Variants in CMTR1 observed in about 807,000 individuals in gnomAD.
The protein encoded by CMTR1 is cap methyltransferase 1.
Under a neutral mutation model 107.0 loss-of-function variants are expected in CMTR1, and 39 were observed. That is an observed-to-expected ratio of 0.36 (90% CI 0.28 to 0.48). The LOEUF (loss-of-function observed/expected upper bound fraction) is 0.48, where lower values mean the gene tolerates loss of function less well. CMTR1 is among the 20% of genes least tolerant of loss of function. The pLI, the probability that CMTR1 is intolerant of heterozygous loss-of-function variation, is 0.99. For missense variants in CMTR1, 672 were observed against 1,064.9 expected (o/e 0.63, Z 5.14); for synonymous variants, 366 against 379.5 (o/e 0.96, Z 0.41).
the CMTR1 span, among the ~76,000 whole-genome samples, chr6:37,425,136 A>C: frequency 9.8e-3 from 1,467 of 149,258 alleles, 24 homozygotes; most frequent in African/African-American, 0.035. Flanking sequence ...TAGAGATGGG[A>C]TTTCACCATG....
Position 37,479,178 on chromosome 6 carries a change from C to T in CMTR1, c.2298C>T (p.Phe766=). 6.2e-7 allele frequency: 1 copy of T among 1,614,130 alleles called. No individual in the cohort carries two copies. Among genetic ancestry groups the T allele is most frequent in the South Asian group, 1.1e-5 (1 of 91,080 alleles). ...EPWTMGFSKS[F]KKKFFYNKKT... Reference sequence around the variant, plus strand: ...GGACTATGGGATTCAGCAAAAGCTTCAAGAAGAAGTTCTTCTACAACAAGA... The same window carrying T: ...GGACTATGGGATTCAGCAAAAGCTTTAAGAAGAAGTTCTTCTACAACAAGA... The change falls in exon 23 of 24, where the codon TTC becomes TTT. Residue 766 remains phenylalanine, a synonymous_variant. Transcript: ENST00000373451.
chr6:37,459,596 T>C lies in CMTR1; in HGVS notation c.1007T>C (p.Ile336Thr), dbSNP rs1254994430. 2 of 1,614,192 alleles carry C rather than the reference T, an allele frequency of 1.2e-6. No individual in the cohort carries two copies. The highest frequency in any genetic ancestry group is 1.7e-5 in the Admixed American group (1 of 60,026). ...GEGGIDGDGD[I>T]TRPENISAFR... ...GGTGGGATTGATGGAGATGGAGATA[T>C]CACCCGCCCAGAGAACATCTCTGCT... is the stretch of plus-strand genomic sequence containing the variant. Residue 336 changes from isoleucine (I) to threonine (T), a missense_variant, in exon 10 of 24, where the codon ATC becomes ACC. Ile to Thr is a moderately conservative substitution (Grantham distance 89). Coordinates refer to ENST00000373451, the MANE Select transcript of CMTR1 (RefSeq NM_015050.3).
At chr6:37,468,088 CTA>C (rs1379931112) in intron 13 of CMTR1, among the ~76,000 whole-genome samples, 1 of 149,494 alleles carries the variant, frequency 6.7e-6, no homozygotes, top group Non-Finnish European at 1.5e-5. Context: ...TTTTTAATAA[CTA>C]ATTCAGTATT....
At position 37,477,634 on chromosome 6, in the gene CMTR1, T is replaced by C. The variant is rs1561794190; in HGVS notation, c.2148T>C (p.Phe716=). 15 of 1,612,394 alleles carry C rather than the reference T, an allele frequency of 9.3e-6. No individual in the cohort carries two copies. Among genetic ancestry groups the C allele is most frequent in the Non-Finnish European group, 1.3e-5 (15 of 1,179,356 alleles). The change falls in exon 21 of 24, where the codon TTT becomes TTC. Residue 716 remains phenylalanine (F), a synonymous_variant. Transcript: ENST00000373451. The stretch of plus-strand genomic sequence containing the variant: ...GACTGGAAGAGATGGAGAAGATTTT[T>C]GTCAGGTGAGTGACTTGACCGGTGA... ...VYRLEEMEKI[F]VRLEMKIIKG... is the part of the protein sequence containing the mutation.
intron 2 of CMTR1, among the ~76,000 whole-genome samples, chr6:37,442,230 G>A (rs1246334243): frequency 6.6e-6 from 1 of 152,190 alleles, no homozygotes; most frequent in East Asian, 1.9e-4. Flanking sequence ...CGGTATCAGT[G>A]TTCTGAACTA....
Position 37,475,491 on chromosome 6 carries a change from G to A in CMTR1, c.2036+79G>A, listed in dbSNP as rs1581754298. On this transcript the variant is annotated intron_variant, in intron 19 of 23. Transcript: ENST00000373451. ...GAGGACAGCGGCCTCCCGAGGTGTG[G>A]CCCCTTATCTAGGCCTTCTCTGCTT... 3 of 1,207,222 alleles carry A rather than the reference G, an allele frequency of 2.5e-6. No individual in the cohort carries two copies. In the African/African-American group the frequency reaches 4.4e-5, roughly 18 times the overall value. 74.8% of individuals were successfully genotyped at this position (1,207,222 alleles called of 1,614,324 possible).
chr6:37,475,374 G>T lies in CMTR1; in HGVS notation c.1998G>T (p.Leu666=). The T allele has an allele frequency of 6.3e-7, 1 of 1,581,228 alleles. No homozygotes were observed. The highest frequency in any genetic ancestry group is 8.6e-7 in the Non-Finnish European group (1 of 1,159,048). The stretch of plus-strand genomic sequence containing the variant: ...TCCACATCCTCGATGTCCTTGTGCT[G>T]AATGGCACCGACGTTCGGGAGCAGC... ...SAIHILDVLV[L]NGTDVREQHF... is the part of the protein sequence containing the mutation. The change falls in exon 19 of 24, where the codon CTG becomes CTT. Residue 666 remains leucine, a synonymous_variant. Coordinates refer to ENST00000373451, the MANE Select transcript of CMTR1 (RefSeq NM_015050.3).
At chr6:37,456,031 T>C (rs1761285848) in intron 8 of CMTR1, among the ~76,000 whole-genome samples, 1 of 152,224 alleles carries the variant, frequency 6.6e-6, no homozygotes, top group South Asian at 2.1e-4. Flanking sequence ...ATAAGGGCCA[T>C]ACATCTTGAA....
chr6:37,472,119 T>C lies in CMTR1; in HGVS notation c.1620+215T>C, dbSNP rs1761640723. Among the ~76,000 whole-genome samples, 1 of 152,154 alleles carries C rather than the reference T, an allele frequency of 6.6e-6. No homozygotes were observed. Among genetic ancestry groups the C allele is most frequent in the South Asian group, 2.1e-4 (1 of 4,828 alleles). On this transcript the variant is annotated intron_variant, in intron 15 of 23. Coordinates refer to ENST00000373451, the MANE Select transcript of CMTR1 (RefSeq NM_015050.3). The surrounding 1 kb of genome is among the most constrained non-coding windows in gnomAD (Gnocchi z 4.1). ...GCCCTGCAGCTGGGTCAGAAAGGAC[T>C]AAGGGGTGGGGTGTGGGGAGGTGGG...
At chr6:37,456,280 T>G (rs111271686) in intron 8 of CMTR1, among the ~76,000 whole-genome samples, 48 of 152,184 alleles carry the variant, frequency 3.2e-4, no homozygotes, top group African/African-American at 1.1e-3. Flanking sequence ...GCAAATACCA[T>G]TAGGTCTTTT....
chr6:37,460,157 T>C lies in CMTR1; in HGVS notation c.1095+473T>C, dbSNP rs77877229. ...ACAATGCAGGCATTCCTTTCTGGAG[T>C]GAGCCACCACTTACTCTAGAGGAAG... On this transcript the variant is annotated intron_variant, in intron 10 of 23. Coordinates refer to ENST00000373451, the MANE Select transcript of CMTR1 (RefSeq NM_015050.3). Among the ~76,000 whole-genome samples the C allele has an allele frequency of 4.1e-3, 630 of 152,292 alleles. 3 individuals carry two copies. Among genetic ancestry groups the C allele is most frequent in the African/African-American group, 0.015 (604 of 41,560 alleles).
At chr6:37,426,479 T>C in the CMTR1 span, among the ~76,000 whole-genome samples, 1 of 152,120 alleles carries the variant, frequency 6.6e-6, no homozygotes, top group African/African-American at 2.4e-5. Context: ...TTTTGAGTAG[T>C]GCAGGTTGTC....
intron 17 of CMTR1, among the ~76,000 whole-genome samples, chr6:37,473,871 G>T (rs1761677678): frequency 6.6e-6 from 1 of 152,136 alleles, no homozygotes; most frequent in South Asian, 2.1e-4. Flanking sequence ...AGCTTCCCAG[G>T]CTAGCAGAGT....
chr6:37,433,586 C>G (rs1472723939), intron 1 of CMTR1, among the ~76,000 whole-genome samples: 1 of 152,252 alleles, frequency 6.6e-6, no homozygotes, highest in Non-Finnish European at 1.5e-5. Flanking sequence ...CGCACACATT[C>G]ACACGCTCAT....
chr6:37,471,129 T>C lies in CMTR1; in HGVS notation c.1562+52T>C. Reference sequence around the variant, plus strand: ...CACCTATTTCAAGGGAAGATCTTGCTTTTCCTCCCCACAAGCTGTTTGTTT... The same window carrying C: ...CACCTATTTCAAGGGAAGATCTTGCCTTTCCTCCCCACAAGCTGTTTGTTT... On this transcript the variant is annotated intron_variant, in intron 14 of 23. Transcript: ENST00000373451. 2.0e-6 allele frequency: 3 copies of C among 1,487,884 alleles called. 1 individual carries two copies. Among genetic ancestry groups the C allele is most frequent in the Non-Finnish European group, 9.1e-7 (1 of 1,094,436 alleles). The allele number at this position is 1,487,884 out of a possible 1,614,324, so 92.2% of individuals were successfully genotyped here.
Position 37,464,160 on chromosome 6 carries a change from C to T in CMTR1, c.1505+1152C>T, listed in dbSNP as rs146797359. 1.2e-4 allele frequency among the ~76,000 whole-genome samples: 19 copies of T among 152,278 alleles called. No individual in the cohort carries two copies. The East Asian group carries it at 3.3e-3, about 26-fold the overall frequency. ...CAAATGCATATATCCTTGTAGCCTA[C>T]ATCCCTATTAAGATAAAAAATGTGG... On this transcript the variant is annotated intron_variant, in intron 13 of 23. Transcript: ENST00000373451.
At chr6:37,439,711 C>A (rs531380718) in intron 2 of CMTR1, among the ~76,000 whole-genome samples, 1 of 152,314 alleles carries the variant, frequency 6.6e-6, no homozygotes, top group Non-Finnish European at 1.5e-5. Context: ...TATTAAAATT[C>A]ATAATTTATT....
chr6:37,453,320 C>T lies in CMTR1; in HGVS notation c.777+8C>T. On this transcript the variant is annotated splice_region_variant and intron_variant, in intron 8 of 23. Transcript: ENST00000373451. ...CCGCGGGACTCTTATGGGGTGAGAA[C>T]AAGATTCTGCTTCTGAATTCATGGT... The T allele has an allele frequency of 6.2e-7, 1 of 1,613,276 alleles. No homozygotes were observed. Among genetic ancestry groups the T allele is most frequent in the Non-Finnish European group, 8.5e-7 (1 of 1,179,248 alleles).
intron 3 of CMTR1, among the ~76,000 whole-genome samples, chr6:37,445,648 C>G (rs1467426929): frequency 6.6e-6 from 1 of 151,942 alleles, no homozygotes; most frequent in South Asian, 2.1e-4. Context: ...GCCACCATGC[C>G]TGGCTAATTT....
Sources: allele counts gnomAD v4.1 joint callset (sites outside exome capture counted in the v4.1 genomes callset), GRCh38; gene constraint gnomAD v4.1.1; non-coding constraint Gnocchi (gnomAD v3.1); transcripts MANE v1.5; gene names NCBI Gene and HGNC (gene_info 2026-07-23, HGNC 2026-07-21).